TNR: variants seen among roughly 807,000 people sequenced by gnomAD.
TNR encodes tenascin-R.
TNR carries 45 observed loss-of-function variants against 150.4 expected under a neutral mutation model. The ratio of observed to expected loss-of-function variants is 0.30; its 90% CI spans 0.24 to 0.38. TNR has a LOEUF of 0.38. TNR is among the 10% of genes least tolerant of loss of function. The pLI, the probability that TNR is intolerant of heterozygous loss-of-function variation, is 1.00. For missense variants in TNR, 1,544 were observed against 1,759.1 expected, an observed-to-expected ratio of 0.88 and a Z score of 2.19; for synonymous variants, 687 against 678.4, an observed-to-expected ratio of 1.01 and a Z score of -0.20.
intron 4 of TNR, among the ~76,000 whole-genome samples, chr1:175,402,520 G>C (rs577200427): frequency 6.6e-6 from 1 of 152,258 alleles, no homozygotes; most frequent in African/African-American, 2.4e-5. Flanking sequence ...TGTACTAATT[G>C]TTAGCATGTT....
chr1:175,462,606 T>C (rs1050915588), intron 2 of TNR, among the ~76,000 whole-genome samples: 7 of 152,232 alleles, frequency 4.6e-5, no homozygotes, highest in African/African-American at 1.7e-4. Context: ...ATTTTGTGTA[T>C]TTGGATTCTG....
intron 1 of TNR, among the ~76,000 whole-genome samples, chr1:175,655,895 T>C (rs542908466): frequency 6.6e-6 from 1 of 151,890 alleles, no homozygotes; most frequent in Non-Finnish European, 1.5e-5. Flanking sequence ...GATGGGGAGA[T>C]GGTAGGAGGA....
At chr1:175,344,483 G>T (rs1398708704) in intron 18 of TNR, among the ~76,000 whole-genome samples, 1 of 152,160 alleles carries the variant, frequency 6.6e-6, no homozygotes, top group African/African-American at 2.4e-5. Flanking sequence ...CTATTCTCCT[G>T]CCTCAATAGT....
At chr1:175,457,122 T>C (rs1332679737) in intron 2 of TNR, among the ~76,000 whole-genome samples, 1 of 152,248 alleles carries the variant, frequency 6.6e-6, no homozygotes, top group Non-Finnish European at 1.5e-5. Flanking sequence ...ATATTAAAAA[T>C]AAAACTTCTA....
Position 175,688,090 on chromosome 1 carries a change from T to C in TNR, c.-165+55136A>G, listed in dbSNP as rs528121827. 8.5e-5 allele frequency among the ~76,000 whole-genome samples: 13 copies of C among 152,358 alleles called. No individual in the cohort carries two copies. The East Asian group carries it at 2.5e-3, about 29-fold the overall frequency. On this transcript the variant is annotated intron_variant, in intron 1 of 22. Coordinates refer to ENST00000367674, the MANE Select transcript of TNR (RefSeq NM_003285.3). ...ACGATGGGAGAACAAGCGTCTCACA[T>C]AGAGGAAACTGACTTCTAATGAGCA...
At chr1:175,505,966 G>T (rs1000028745) in intron 2 of TNR, among the ~76,000 whole-genome samples, 4 of 152,248 alleles carry the variant, frequency 2.6e-5, no homozygotes, top group Non-Finnish European at 4.4e-5. Context: ...CTTGACTCCA[G>T]GAGGTGGAGG....
intron 18 of TNR, among the ~76,000 whole-genome samples, chr1:175,338,392 A>G (rs1571311498): frequency 1.3e-5 from 2 of 152,334 alleles, no homozygotes; most frequent in East Asian, 3.9e-4. Context: ...AGAGGAGCTT[A>G]AATCCTGTGT....
At chr1:175,488,630 CAGG>C (rs1571511004) in intron 2 of TNR, among the ~76,000 whole-genome samples, 1 of 152,202 alleles carries the variant, frequency 6.6e-6, no homozygotes, top group East Asian at 1.9e-4. Flanking sequence ...CACTGCTCTC[CAGG>C]AAAGTCACTT....
At chr1:175,462,445 G>A (rs1571475191) in intron 2 of TNR, among the ~76,000 whole-genome samples, 1 of 152,308 alleles carries the variant, frequency 6.6e-6, no homozygotes, top group Middle Eastern at 3.4e-3. Context: ...GTTCAAACAA[G>A]CTGTCACAGC....
chr1:175,599,285 C>T lies in TNR; in HGVS notation c.-164-70916G>A, dbSNP rs901800466. ...TTCAGGCGCCCGGGTTTGCCCACCG[C>T]GAAGAGCAGTGGCGGAGACATCGCA... is the stretch of plus-strand genomic sequence containing the variant. On this transcript the variant is annotated intron_variant, in intron 1 of 22. Transcript: ENST00000367674. This position sits in a 1 kb window ranked among gnomAD's most constrained non-coding sequence, Gnocchi z 4.7. Among the ~76,000 whole-genome samples, 1 of 152,176 alleles carries T rather than the reference C, an allele frequency of 6.6e-6. No homozygotes were observed. Among genetic ancestry groups the T allele is most frequent in the Admixed American group, 6.5e-5 (1 of 15,280 alleles).
In TNR at chr1:175,582,166, C is replaced by A. The variant is rs74750963; in HGVS notation, c.-164-53797G>T. Among the ~76,000 whole-genome samples, 358 of 152,344 alleles carry A rather than the reference C, an allele frequency of 2.3e-3. 2 individuals are homozygous for A. Among genetic ancestry groups the A allele is most frequent in the African/African-American group, 7.7e-3 (322 of 41,576 alleles). ...AGGTAATGCCTTTTTACCTACAACTCTTTCACCTTTGAAACTAGACCATCA... is the reference window on the plus strand; with the variant it reads ...AGGTAATGCCTTTTTACCTACAACTATTTCACCTTTGAAACTAGACCATCA... On this transcript the variant is annotated intron_variant, in intron 1 of 22. Coordinates refer to ENST00000367674, the MANE Select transcript of TNR (RefSeq NM_003285.3).
intron 1 of TNR, among the ~76,000 whole-genome samples, chr1:175,720,763 G>C (rs1667276028): frequency 6.6e-6 from 1 of 152,216 alleles, no homozygotes; most frequent in Non-Finnish European, 1.5e-5. Context: ...GGAGGAAGGA[G>C]GATTACGCCT....
rs946945082 is a variant in TNR, at chr1:175,320,129, G to C, written c.*3228C>G. 6.6e-6 allele frequency: 1 copy of C among 152,312 alleles called. No individual in the cohort carries two copies. The highest frequency in any genetic ancestry group is 1.5e-5 in the Non-Finnish European group (1 of 68,064). The allele number at this position is 152,312 out of a possible 1,614,324, so 9.4% of individuals were successfully genotyped here. ...TGTAGTTAAACAGCCTCTGAGAAGG[G>C]TCTACCTCGATTCCTTTTGAGTCCC... is the stretch of plus-strand genomic sequence containing the variant. On this transcript the variant is annotated 3_prime_UTR_variant, in exon 23 of 23. Transcript: ENST00000367674.
intron 2 of TNR, among the ~76,000 whole-genome samples, chr1:175,497,433 C>T (rs1001160393): frequency 1.3e-5 from 2 of 152,212 alleles, no homozygotes; most frequent in Non-Finnish European, 2.9e-5. Flanking sequence ...GACAGGGTAT[C>T]CAGTTAGCTG....
At chr1:175,666,333 A>T (rs1665531438) in intron 1 of TNR, among the ~76,000 whole-genome samples, 1 of 152,184 alleles carries the variant, frequency 6.6e-6, no homozygotes, top group South Asian at 2.1e-4. Context: ...CCTAAGGAGC[A>T]GCTTTCTAAA....
At chr1:175,698,370 C>A (rs111716562) in intron 1 of TNR, among the ~76,000 whole-genome samples, 1 of 152,046 alleles carries the variant, frequency 6.6e-6, no homozygotes, top group South Asian at 2.1e-4. Flanking sequence ...GTGAAGGAAC[C>A]GAGGAATTCA....
At chr1:175,676,637 C>T (rs765507729) in intron 1 of TNR, among the ~76,000 whole-genome samples, 2 of 152,176 alleles carry the variant, frequency 1.3e-5, no homozygotes, top group African/African-American at 2.4e-5. Flanking sequence ...ACCAAAAATG[C>T]TAGAAAAGAG....
At chr1:175,651,829 TTAAC>T (rs1484883538) in intron 1 of TNR, among the ~76,000 whole-genome samples, 25 of 151,726 alleles carry the variant, frequency 1.6e-4, no homozygotes, top group African/African-American at 5.5e-4. Context: ...AGACCAAATA[TTAAC>T]TAACTGAATA....
intron 1 of TNR, among the ~76,000 whole-genome samples, chr1:175,614,437 T>C (rs1270357522): frequency 6.6e-6 from 1 of 152,190 alleles, no homozygotes; most frequent in Non-Finnish European, 1.5e-5. Flanking sequence ...TTGGGAGGTA[T>C]GCCTAGCAGA....
Sources: allele counts gnomAD v4.1 joint callset (sites outside exome capture counted in the v4.1 genomes callset), GRCh38; gene constraint gnomAD v4.1.1; non-coding constraint Gnocchi (gnomAD v3.1); transcripts MANE v1.5; gene names NCBI Gene and HGNC (gene_info 2026-07-23, HGNC 2026-07-21).